KCMF1: variants seen among roughly 807,000 people sequenced by gnomAD.
KCMF1 encodes the protein potassium channel modulatory factor 1.
In KCMF1, 3 loss-of-function variants were observed where a neutral mutation model predicts 41.1. The ratio of observed to expected loss-of-function variants is 0.07; its 90% CI spans 0.03 to 0.19. The LOEUF (loss-of-function observed/expected upper bound fraction) is 0.19. Ranked by LOEUF, KCMF1 falls within the 10% of genes least tolerant of loss-of-function variation. The pLI is 1.00. For missense variants in KCMF1, 286 were observed against 488.9 expected (o/e 0.58, Z 3.91); for synonymous variants, 142 against 164.5 (o/e 0.86, Z 1.04).
chr2:84,989,401 G>A (rs997955387), intron 1 of KCMF1, among the ~76,000 whole-genome samples: 1 of 152,190 alleles, frequency 6.6e-6, no homozygotes, highest in Non-Finnish European at 1.5e-5. Flanking sequence ...AGGCAGAAAG[G>A]GAGGGATAAA....
At chr2:85,018,267 ATTTT>A (rs373718008) in intron 1 of KCMF1, among the ~76,000 whole-genome samples, 1 of 126,886 alleles carries the variant, frequency 7.9e-6, no homozygotes. Flanking sequence ...ACTAAGCTAG[ATTTT>A]TTTTTTTTTT....
chr2:85,011,294 C>T lies in KCMF1; in HGVS notation c.17-16595C>T, dbSNP rs563357315. Among the ~76,000 whole-genome samples the T allele has an allele frequency of 1.1e-4, 17 of 152,258 alleles. 1 individual carries two copies. The South Asian group carries it at 3.5e-3, about 32-fold the overall frequency. ...ATTCATTTTAGAACTGGATATATTA[C>T]AGGCTCATGTATTTGCCCTGCCCAA... is the stretch of plus-strand genomic sequence containing the variant. On this transcript the variant is annotated intron_variant, in intron 1 of 6. Transcript: ENST00000409785.
intron 1 of KCMF1, among the ~76,000 whole-genome samples, chr2:84,985,901 AT>A (rs1302252574): frequency 6.6e-6 from 1 of 152,228 alleles, no homozygotes; most frequent in Admixed American, 6.5e-5. Flanking sequence ...TTTTAAAAAA[AT>A]ATAACACAGA....
chr2:85,034,915 C>T, intron 2 of KCMF1, 101 bp from the exon 3 acceptor site: 2 of 1,025,012 alleles, frequency 2.0e-6, no homozygotes, highest in Non-Finnish European at 2.8e-6. Flanking sequence ...AACCACTGCT[C>T]CTGGCCCACA....
chr2:84,976,566 C>T (rs879489024), intron 1 of KCMF1, among the ~76,000 whole-genome samples: 1 of 150,722 alleles, frequency 6.6e-6, no homozygotes, highest in African/African-American at 2.4e-5. Context: ...GATTTCAAGC[C>T]GGTTGCAGTG....
chr2:84,975,871 G>A (rs1394597227), intron 1 of KCMF1, among the ~76,000 whole-genome samples: 1 of 152,194 alleles, frequency 6.6e-6, no homozygotes, highest in African/African-American at 2.4e-5. Flanking sequence ...AATCATGAAT[G>A]TTCTTGCATA....
chr2:84,988,872 C>T (rs1430526667), intron 1 of KCMF1, among the ~76,000 whole-genome samples: 1 of 152,216 alleles, frequency 6.6e-6, no homozygotes, highest in Non-Finnish European at 1.5e-5. Flanking sequence ...TTACTCTACT[C>T]TGCTGTTGTA....
chr2:85,043,514 T>C (rs368234831), intron 3 of KCMF1, 50 bp from the exon 4 acceptor site: 3 of 1,021,566 alleles, frequency 2.9e-6, no homozygotes, highest in Non-Finnish European at 4.6e-6. Context: ...TCCAGAAAGA[T>C]GTCTTATTGA....
At chr2:85,040,768 CTT>C (rs142252238) in intron 3 of KCMF1, among the ~76,000 whole-genome samples, 13 of 142,502 alleles carry the variant, frequency 9.1e-5, no homozygotes, top group Admixed American at 2.1e-4. Context: ...TTTTTCTTTT[CTT>C]TTTTTTTTTT....
chr2:85,024,987 G>T (rs1340904808), intron 1 of KCMF1, among the ~76,000 whole-genome samples: 1 of 151,986 alleles, frequency 6.6e-6, no homozygotes, highest in African/African-American at 2.4e-5. Context: ...ATTTGTTATG[G>T]TGTTACTTAT....
intron 1 of KCMF1, among the ~76,000 whole-genome samples, chr2:84,993,645 G>A (rs74394764): frequency 0.066 from 10,040 of 151,106 alleles, 577 homozygotes; most frequent in East Asian, 0.34. Flanking sequence ...GTGCAGTCTC[G>A]GCTCACTGCA....
At chr2:85,027,622 G>T (rs775014228) in intron 1 of KCMF1, among the ~76,000 whole-genome samples, 1 of 151,828 alleles carries the variant, frequency 6.6e-6, no homozygotes, top group Non-Finnish European at 1.5e-5. Context: ...TGATCCACCC[G>T]CCTCGACCCC....
chr2:84,989,085 C>T (rs186252421), intron 1 of KCMF1, among the ~76,000 whole-genome samples: 4 of 152,236 alleles, frequency 2.6e-5, no homozygotes, highest in South Asian at 2.1e-4. Flanking sequence ...GATTTCTCCA[C>T]GGGCCATAGT....
chr2:85,008,321 C>CATATATAATATATAATATATATATA (rs1440605576), intron 1 of KCMF1, among the ~76,000 whole-genome samples: 1 of 43,950 alleles, frequency 2.3e-5, no homozygotes, highest in Non-Finnish European at 4.4e-5. Context: ...ATATATATAT[C>CATATATAATATATAATATATATATA]ATATATAATA....
chr2:84,977,365 G>T (rs1423112758), intron 1 of KCMF1, among the ~76,000 whole-genome samples: 1 of 152,126 alleles, frequency 6.6e-6, no homozygotes, highest in Non-Finnish European at 1.5e-5. Context: ...TTACCATCAG[G>T]TCTTCTTACA....
Position 85,043,546 on chromosome 2 carries a change from T to TCTTTACTTC in KCMF1, c.325-16_325-8dup. 6.9e-7 allele frequency: 1 copy of TCTTTACTTC among 1,457,428 alleles called. No homozygotes were observed. The highest frequency in any genetic ancestry group is 9.6e-7 in the Non-Finnish European group (1 of 1,041,214). The allele number at this position is 1,457,428 out of a possible 1,614,324, so 90.3% of individuals were successfully genotyped here. A position where few individuals can be genotyped will look rare whatever the true frequency, so the allele number is the denominator to read the frequency against. ...TTGACGTTCATTTATTAAGCTGCTTTCTTTACTTCCATTTCAGATTTGTCC... is the reference window on the plus strand; with the variant it reads ...TTGACGTTCATTTATTAAGCTGCTTTCTTTACTTCCTTTACTTCCATTTCAGATTTGTCC... On this transcript the variant is annotated splice_polypyrimidine_tract_variant and intron_variant, in intron 3 of 6. Coordinates refer to ENST00000409785, the MANE Select transcript of KCMF1 (RefSeq NM_020122.5).
At chr2:84,983,543 T>C (rs1456014667) in intron 1 of KCMF1, among the ~76,000 whole-genome samples, 1 of 152,188 alleles carries the variant, frequency 6.6e-6, no homozygotes, top group Non-Finnish European at 1.5e-5. Context: ...ATTTCGTTCT[T>C]GTAGCCCAGG....
At chr2:85,001,682 T>C (rs578029573) in intron 1 of KCMF1, among the ~76,000 whole-genome samples, 7 of 152,310 alleles carry the variant, frequency 4.6e-5, no homozygotes, top group Non-Finnish European at 8.8e-5. Context: ...CAGAATGTCC[T>C]GTGTGGGTGA....
At chr2:85,041,385 T>G (rs766416464) in intron 3 of KCMF1, among the ~76,000 whole-genome samples, 15 of 152,210 alleles carry the variant, frequency 9.9e-5, no homozygotes, top group Non-Finnish European at 1.6e-4. Context: ...TAGGACATTC[T>G]TTGTACGTTT....
Sources: gnomAD v4.1 joint callset for allele counts (sites outside exome capture counted in the v4.1 genomes callset) on GRCh38, gnomAD v4.1.1 for gene constraint, MANE v1.5 for transcripts, NCBI Gene and HGNC (gene_info 2026-07-23, HGNC 2026-07-21) for gene names.